C11orf65: variants seen among roughly 807,000 people sequenced by gnomAD.
The protein encoded by C11orf65 is protein MFI.
A neutral mutation model predicts 35.3 loss-of-function variants in C11orf65; 38 were observed. The ratio of observed to expected loss-of-function variants is 1.08; its 90% CI spans 0.83 to 1.41. C11orf65 has a LOEUF of 1.41. Ranked by LOEUF, C11orf65 falls within the 40% of genes most tolerant of loss-of-function variation. C11orf65 has a pLI of 0.00. For synonymous variants in C11orf65, 105 were observed against 114.4 expected (o/e 0.92, Z 0.53); for missense variants, 370 against 367.1 (o/e 1.01, Z -0.06).
downstream of C11orf65, among the ~76,000 whole-genome samples, chr11:108,378,802 C>T (rs2138205636): frequency 6.9e-6 from 1 of 145,874 alleles, no homozygotes; most frequent in African/African-American, 2.6e-5. Context: ...ACAACCCCAT[C>T]AAAAAGTGGG....
intron 2 of C11orf65, among the ~76,000 whole-genome samples, chr11:108,447,951 T>C (rs1429650015): frequency 6.6e-6 from 1 of 152,056 alleles, no homozygotes; most frequent in South Asian, 2.1e-4. Context: ...ATAAAGGGGA[T>C]ATCACCACCA....
downstream of C11orf65, chr11:108,331,187 C>T: frequency 2.6e-6 from 3 of 1,162,206 alleles, no homozygotes; most frequent in Admixed American, 4.3e-5. Flanking sequence ...GGAATATAAA[C>T]AGTACCAAGT....
At chr11:108,353,792 C>T (rs2089496713) in intron 2 of C11orf65, 1 of 1,614,044 alleles carries the variant, frequency 6.2e-7, no homozygotes. Context: ...GGGCAAAATC[C>T]TTCCTACTCC....
At chr11:108,312,929 C>T (rs1020689969) in intron 6 of C11orf65, among the ~76,000 whole-genome samples, 20 of 152,166 alleles carry the variant, frequency 1.3e-4, no homozygotes, top group African/African-American at 3.9e-4. Context: ...GGATGCTTGC[C>T]GAATTTCTTT....
chr11:108,359,118 A>AAAAC (rs1447053848), intron 2 of C11orf65, among the ~76,000 whole-genome samples: 1 of 150,188 alleles, frequency 6.7e-6, no homozygotes, highest in Non-Finnish European at 1.5e-5. Context: ...AAGCAAATGG[A>AAAAC]AAACAAAAAA....
intron 6 of C11orf65, among the ~76,000 whole-genome samples, chr11:108,395,843 G>A (rs963430621): frequency 5.2e-4 from 73 of 141,696 alleles, no homozygotes; most frequent in African/African-American, 1.8e-3. Context: ...GGATGGTCTC[G>A]ATCTCCTGAC....
At chr11:108,424,792 G>C (rs967593221) in intron 3 of C11orf65, among the ~76,000 whole-genome samples, 12 of 152,168 alleles carry the variant, frequency 7.9e-5, no homozygotes, top group African/African-American at 2.9e-4. Context: ...CAAAAGAATG[G>C]AAATCCTACC....
Position 108,367,732 on chromosome 11 carries a change from C to T in C11orf65, c.226+25476G>A, listed in dbSNP as rs139245552. 1.2e-3 allele frequency: 250 copies of T among 217,154 alleles called. 3 individuals are homozygous for T. The East Asian group carries it at 0.016, about 14-fold the overall frequency. 13.5% of individuals were successfully genotyped at this position (217,154 alleles called of 1,614,324 possible). ...CTCCTCACCTTCCCCTCCCCTAAAA[C>T]CAATCTCCAGAACTTTTTGGACTAT... On this transcript the variant is annotated intron_variant, in intron 2 of 3. Transcript: ENST00000524755.
At chr11:108,387,745 C>G (rs1024773755) in intron 7 of C11orf65, among the ~76,000 whole-genome samples, 4 of 152,154 alleles carry the variant, frequency 2.6e-5, no homozygotes, top group African/African-American at 7.2e-5. Context: ...CCAGGCTGGT[C>G]TTGAACTCTT....
chr11:108,332,225 C>T (rs930400221), intron 3 of C11orf65, among the ~76,000 whole-genome samples: 1 of 151,920 alleles, frequency 6.6e-6, no homozygotes, highest in African/African-American at 2.4e-5. Context: ...GTCAGAAGTT[C>T]GAGACCATCC....
intron 2 of C11orf65, among the ~76,000 whole-genome samples, chr11:108,344,609 A>G (rs569026413): frequency 1.3e-5 from 2 of 152,236 alleles, no homozygotes; most frequent in African/African-American, 4.8e-5. Flanking sequence ...GAGGCATGAG[A>G]TGGTCTGAAC....
chr11:108,425,296 T>C (rs528737055), intron 3 of C11orf65, among the ~76,000 whole-genome samples: 2 of 151,954 alleles, frequency 1.3e-5, no homozygotes, highest in Admixed American at 1.3e-4. Context: ...ATAGATACAA[T>C]AAAAAATGAT....
intron 1 of C11orf65, among the ~76,000 whole-genome samples, chr11:108,464,912 A>C (rs2093516609): frequency 6.6e-6 from 1 of 152,118 alleles, no homozygotes; most frequent in South Asian, 2.1e-4. Flanking sequence ...TGTCCTCAAA[A>C]ATGGTGTCTA....
chr11:108,343,854 CCTT>C (rs1262639031), intron 2 of C11orf65, among the ~76,000 whole-genome samples: 3 of 152,268 alleles, frequency 2.0e-5, no homozygotes, highest in African/African-American at 2.4e-5. Context: ...ATATAGAAAA[CCTT>C]CTGAGACATT....
chr11:108,363,151 T>G (rs894486422), intron 2 of C11orf65, among the ~76,000 whole-genome samples: 1 of 152,178 alleles, frequency 6.6e-6, no homozygotes, highest in African/African-American at 2.4e-5. Flanking sequence ...CCTTTCTGCC[T>G]TCAGCTTTAG....
rs905561966 is a variant in C11orf65, at chr11:108,353,681, T to C, written c.227-18389A>G. The C allele has an allele frequency of 3.6e-6, 4 of 1,112,070 alleles. No individual in the cohort carries two copies. The Middle Eastern group carries it at 5.9e-4, about 164-fold the overall frequency. The allele number at this position is 1,112,070 out of a possible 1,614,324, so 68.9% of individuals were successfully genotyped here. The stretch of plus-strand genomic sequence containing the variant: ...TAGAACGTAGGTAACATGTGGTTTC[T>C]TGCCTTTGTAAAGTTCACATTCTAA... On this transcript the variant is annotated intron_variant, in intron 2 of 3. Coordinates refer to the C11orf65 transcript ENST00000524755.
intron 1 of C11orf65, among the ~76,000 whole-genome samples, chr11:108,463,575 C>CT (rs1480865327): frequency 6.6e-6 from 1 of 152,140 alleles, no homozygotes; most frequent in Non-Finnish European, 1.5e-5. Flanking sequence ...TCAACAAATT[C>CT]TACCTCATTC....
rs930806374 is a variant in C11orf65, at chr11:108,312,286, A to G, written c.641-3215T>C. Reference sequence around the variant, plus strand: ...TAAATGGTATTATGTTTTAAAGTATAAGTGATTTATTCTGTTTTGTTTGCC... The same window carrying G: ...TAAATGGTATTATGTTTTAAAGTATGAGTGATTTATTCTGTTTTGTTTGCC... On this transcript the variant is annotated intron_variant, in intron 6 of 6. Coordinates refer to the C11orf65 transcript ENST00000525729. 4 of 725,536 alleles carry G rather than the reference A, an allele frequency of 5.5e-6. No individual in the cohort carries two copies. The African/African-American group carries it at 7.1e-5, about 13-fold the overall frequency. 44.9% of individuals were successfully genotyped at this position (725,536 alleles called of 1,614,324 possible).
intron 6 of C11orf65, among the ~76,000 whole-genome samples, chr11:108,309,368 G>A (rs1479436886): frequency 1.3e-5 from 2 of 152,152 alleles, no homozygotes; most frequent in African/African-American, 4.8e-5. Context: ...CTGTGTAGTA[G>A]GGTGTGCCTT....
Sources: allele counts gnomAD v4.1 joint callset (sites outside exome capture counted in the v4.1 genomes callset), GRCh38; gene constraint gnomAD v4.1.1; transcripts MANE v1.5; gene names NCBI Gene and HGNC (gene_info 2026-07-23, HGNC 2026-07-21).